Variants in PPP1R37 observed in about 807,000 individuals in gnomAD.
The protein encoded by PPP1R37 is protein phosphatase 1 regulatory subunit 37.
In PPP1R37, 21 loss-of-function variants were observed where a neutral mutation model predicts 61.0. The ratio of observed to expected loss-of-function variants is 0.34; its 90% CI spans 0.24 to 0.50. PPP1R37 has a LOEUF of 0.50. Ranked by LOEUF, PPP1R37 falls within the 20% of genes least tolerant of loss-of-function variation. PPP1R37 has a pLI of 0.98. For synonymous variants in PPP1R37, 443 were observed against 433.5 expected, an observed-to-expected ratio of 1.02 and a Z score of -0.27; for missense variants, 910 against 952.7, an observed-to-expected ratio of 0.96 and a Z score of 0.59.
chr19:45,145,097 C>T lies in PPP1R37; in HGVS notation c.1133C>T (p.Ala378Val). The T allele has an allele frequency of 6.5e-7, 1 of 1,532,412 alleles. No homozygotes were observed. The highest frequency in any genetic ancestry group is 8.7e-7 in the Non-Finnish European group (1 of 1,145,366). 94.9% of individuals were successfully genotyped at this position (1,532,412 alleles called of 1,614,324 possible). ...AGCCCCTGCGGTGCCCCCCCAGGCG[C>T]GGTGGCGGTGGCGGAGTTCATCGCT... is the stretch of plus-strand genomic sequence containing the variant. ...LASTKLTCEG[A>V]VAVAEFIAES... Residue 378 changes from alanine (A) to valine (V), a missense_variant, in exon 10 of 13, where the codon GCG (alanine) becomes GTG (valine). Ala to Val is a moderately conservative substitution (Grantham distance 64). Transcript: ENST00000221462.
intron 1 of PPP1R37, among the ~76,000 whole-genome samples, chr19:45,103,124 G>A (rs1425591876): frequency 6.6e-6 from 1 of 152,226 alleles, no homozygotes; most frequent in Non-Finnish European, 1.5e-5. Context: ...CATGGTGCCT[G>A]GCCCTCCGCA....
intron 1 of PPP1R37, among the ~76,000 whole-genome samples, chr19:45,129,496 A>G (rs938819008): frequency 2.6e-5 from 4 of 152,068 alleles, no homozygotes; most frequent in Non-Finnish European, 5.9e-5. Flanking sequence ...ACAGGGTTTC[A>G]CTATGTTGGC....
chr19:45,141,445 G>T lies in PPP1R37; in HGVS notation c.567+4G>T. On this transcript the variant is annotated splice_donor_region_variant and intron_variant, in intron 5 of 12. Transcript: ENST00000221462. ...GGCCGCCCACATGATGCGCAAGGTG[G>T]GCGCCTCTCGGCTTCCAGGAAGAGG... The T allele has an allele frequency of 6.5e-7, 1 of 1,533,934 alleles. No homozygotes were observed. The highest frequency in any genetic ancestry group is 8.7e-7 in the Non-Finnish European group (1 of 1,146,136).
intron 1 of PPP1R37, among the ~76,000 whole-genome samples, chr19:45,105,497 C>T (rs1355839266): frequency 1.3e-5 from 2 of 152,070 alleles, no homozygotes; most frequent in Non-Finnish European, 2.9e-5. Context: ...CTCCCTGTCA[C>T]GGGGTGGCAG....
chr19:45,143,396 G>A (rs557503967), intron 7 of PPP1R37, 125 bp from the exon 8 acceptor site: 8 of 603,786 alleles, frequency 1.3e-5, no homozygotes, highest in Non-Finnish European at 1.8e-5. Context: ...GGGCTGCAGG[G>A]CAAGGCCTGG....
intron 1 of PPP1R37, among the ~76,000 whole-genome samples, chr19:45,120,145 G>A (rs920072864): frequency 3.3e-5 from 5 of 150,196 alleles, no homozygotes; most frequent in African/African-American, 1.2e-4. Flanking sequence ...AGCCTCCCAA[G>A]TAGCTGGGAC....
At chr19:45,094,296 TAAG>T in intron 1 of PPP1R37, among the ~76,000 whole-genome samples, 1 of 152,118 alleles carries the variant, frequency 6.6e-6, no homozygotes, top group Non-Finnish European at 1.5e-5. Context: ...AATGTGGTAT[TAAG>T]AAGAAAAGCC....
chr19:45,118,980 AC>A (rs1251818943), intron 1 of PPP1R37, among the ~76,000 whole-genome samples: 1 of 150,468 alleles, frequency 6.6e-6, no homozygotes, highest in Non-Finnish European at 1.5e-5. Flanking sequence ...TTCTCATTTA[AC>A]TTTTTGTTTT....
chr19:45,142,294 C>G lies in PPP1R37; in HGVS notation c.719-9C>G, dbSNP rs577814316. 1 of 1,535,752 alleles carries G rather than the reference C, an allele frequency of 6.5e-7. No homozygotes were observed. The highest frequency in any genetic ancestry group is 1.4e-5 in the African/African-American group (1 of 73,156). ...CTGCCCAGTCACCGTGCCCCCTCCC[C>G]GTCCCCAGCCACGGCCCTGAAGATG... is the stretch of plus-strand genomic sequence containing the variant. On this transcript the variant is annotated splice_polypyrimidine_tract_variant and intron_variant, in intron 6 of 12. Transcript: ENST00000221462.
At chr19:45,132,964 C>T (rs1352763388) in intron 1 of PPP1R37, among the ~76,000 whole-genome samples, 1 of 152,252 alleles carries the variant, frequency 6.6e-6, no homozygotes, top group Non-Finnish European at 1.5e-5. Context: ...GTTAGTTACA[C>T]TCATCCCCAT....
intron 1 of PPP1R37, among the ~76,000 whole-genome samples, chr19:45,134,628 G>A (rs1313287380): frequency 6.7e-6 from 1 of 149,912 alleles, no homozygotes; most frequent in Non-Finnish European, 1.5e-5. Context: ...GCACGATCTC[G>A]GCTCACTGCA....
rs1375355858 is a variant in PPP1R37 at position 45,145,237 on chromosome 19, G to C, written c.1273G>C (p.Asp425His). Residue 425 changes from aspartate to histidine, a missense_variant, in exon 10 of 13, where the codon GAC (aspartate) becomes CAC (histidine). Around this residue, in one of 3 missense-constraint regions of PPP1R37, gnomAD observed 549 missense variants for 505.1 expected, o/e 1.09. Transcript: ENST00000221462. ...CCACTCACTGCTGCGCCTGGACCTCGACCGTGAACCCAAGAAAGAGGCGGT... is the reference window on the plus strand; with the variant it reads ...CCACTCACTGCTGCGCCTGGACCTCCACCGTGAACCCAAGAAAGAGGCGGT... ...VNHSLLRLDL[D>H]REPKKEAVKS... 6.5e-7 allele frequency: 1 copy of C among 1,533,668 alleles called. No homozygotes were observed. The highest frequency in any genetic ancestry group is 2.4e-5 in the East Asian group (1 of 40,872).
intron 1 of PPP1R37, among the ~76,000 whole-genome samples, chr19:45,122,771 A>G (rs1968357502): frequency 6.6e-6 from 1 of 151,928 alleles, no homozygotes; most frequent in Non-Finnish European, 1.5e-5. Flanking sequence ...AAGGATCAGG[A>G]CCTCAATGAC....
chr19:45,142,045 C>T lies in PPP1R37; in HGVS notation c.568-16C>T. 6.7e-7 allele frequency: 1 copy of T among 1,500,104 alleles called. No individual in the cohort carries two copies. Among genetic ancestry groups the T allele is most frequent in the South Asian group, 1.3e-5 (1 of 78,738 alleles). 92.9% of individuals were successfully genotyped at this position (1,500,104 alleles called of 1,614,324 possible). ...GCCTGAGCCAGTGCCTCACCCCTGT[C>T]CTCTTGCCCCTGCAGACGAGCTGCC... On this transcript the variant is annotated splice_polypyrimidine_tract_variant and intron_variant, in intron 5 of 12. Coordinates refer to ENST00000221462, the MANE Select transcript of PPP1R37 (RefSeq NM_019121.2).
chr19:45,098,887 G>T (rs886736141), intron 1 of PPP1R37, among the ~76,000 whole-genome samples: 1 of 152,042 alleles, frequency 6.6e-6, no homozygotes, highest in Non-Finnish European at 1.5e-5. Flanking sequence ...TTTCCGTCTG[G>T]GCCCAGCTCC....
chr19:45,122,155 A>G (rs1968349522), intron 1 of PPP1R37, among the ~76,000 whole-genome samples: 1 of 152,084 alleles, frequency 6.6e-6, no homozygotes. Context: ...GGAGCAGAGG[A>G]CGGAACTGGA....
chr19:45,117,386 G>T (rs564033196), intron 1 of PPP1R37, among the ~76,000 whole-genome samples: 1 of 152,172 alleles, frequency 6.6e-6, no homozygotes, highest in East Asian at 1.9e-4. Context: ...GGTGAGCCCC[G>T]GTGGAGTGCT....
rs77027578 is a variant in PPP1R37, at chr19:45,097,040, G to A, written c.202+3513G>A. Among the ~76,000 whole-genome samples the A allele has an allele frequency of 6.8e-3, 1,030 of 152,196 alleles. 26 individuals are homozygous for A. Among genetic ancestry groups the A allele is most frequent in the East Asian group, 0.053 (275 of 5,162 alleles). On this transcript the variant is annotated intron_variant, in intron 1 of 12. Transcript: ENST00000221462. ...TCCATGCTGGGGAGGACGATGGAGT[G>A]GTTCACTGGCCATGGGGCTGTGGGA...
intron 11 of PPP1R37, 140 bp from the exon 12 acceptor site, chr19:45,146,250 G>GTAAA (rs1419568419): frequency 5.4e-6 from 5 of 929,080 alleles, no homozygotes; most frequent in Non-Finnish European, 6.3e-6. Context: ...GGGCATGTAA[G>GTAAA]GTGTGCTGCC....
Sources: allele counts gnomAD v4.1 joint callset (sites outside exome capture counted in the v4.1 genomes callset), GRCh38; gene constraint gnomAD v4.1.1; regional missense constraint gnomAD v4.1.1; transcripts MANE v1.5; gene names NCBI Gene and HGNC (gene_info 2026-07-23, HGNC 2026-07-21).